Variants in CDH4 observed in about 807,000 individuals in gnomAD.
CDH4 encodes cadherin-4.
Under a neutral mutation model 86.0 loss-of-function variants are expected in CDH4, and 33 were observed. The observed-to-expected ratio is 0.38, with a 90% CI of 0.29 to 0.51. The LOEUF is 0.51. Ranked by LOEUF, CDH4 falls within the 20% of genes least tolerant of loss-of-function variation. The pLI, the probability that CDH4 is intolerant of heterozygous loss-of-function variation, is 0.86. For synonymous variants in CDH4, 555 were observed against 549.4 expected, an observed-to-expected ratio of 1.01 and a Z score of -0.14; for missense variants, 1,114 against 1,307.4, an observed-to-expected ratio of 0.85 and a Z score of 2.28.
chr20:61,334,393 G>A (rs2084605402), intron 2 of CDH4, among the ~76,000 whole-genome samples: 1 of 152,204 alleles, frequency 6.6e-6, no homozygotes, highest in African/African-American at 2.4e-5. Context: ...GCAGTGGGTG[G>A]TGCAGTGCGT....
At chr20:61,706,292 A>G (rs1321574854) in intron 2 of CDH4, among the ~76,000 whole-genome samples, 1 of 152,054 alleles carries the variant, frequency 6.6e-6, no homozygotes, top group African/African-American at 2.4e-5. Context: ...CTGTGTGTTT[A>G]CTAAAGGGGG....
chr20:61,489,914 C>G (rs1440267478), intron 2 of CDH4, among the ~76,000 whole-genome samples: 2 of 152,128 alleles, frequency 1.3e-5, no homozygotes, highest in South Asian at 4.1e-4. Flanking sequence ...GCTCCTGGGC[C>G]CCTCTAAGGG....
rs1335326516 is a variant in CDH4, at chr20:61,844,787, A to G, written c.696A>G (p.Thr232=). ...CCATGTCCGGCCGGATGTACGTCAC[A>G]AGGCCCATGGACCGGGAGGAGCACG... The part of the protein sequence containing the change: ...IDSMSGRMYV[T]RPMDREEHAS... The change falls in exon 5 of 16, where the codon ACA becomes ACG. Residue 232 remains threonine, a synonymous_variant. Transcript: ENST00000614565. 6.2e-7 allele frequency: 1 copy of G among 1,613,718 alleles called. No individual in the cohort carries two copies. Among genetic ancestry groups the G allele is most frequent in the Non-Finnish European group, 8.5e-7 (1 of 1,179,868 alleles).
At chr20:61,792,960 T>TTTG (rs879312118) in intron 4 of CDH4, among the ~76,000 whole-genome samples, 13 of 147,642 alleles carry the variant, frequency 8.8e-5, no homozygotes, top group Non-Finnish European at 1.6e-4. Flanking sequence ...ATGTGTTTTT[T>TTTG]TTGTTTTTGT....
At chr20:61,264,757 C>T (rs367873524) in intron 2 of CDH4, among the ~76,000 whole-genome samples, 19 of 128,158 alleles carry the variant, frequency 1.5e-4, no homozygotes, top group Middle Eastern at 6.4e-3. Context: ...TACACATACC[C>T]CAGTGGCTCC....
chr20:61,362,353 C>T (rs887792029), intron 2 of CDH4, among the ~76,000 whole-genome samples: 5 of 151,206 alleles, frequency 3.3e-5, no homozygotes, highest in Non-Finnish European at 5.9e-5. Context: ...AGAGCGGAGA[C>T]GTGGCCTAGG....
At chr20:61,481,147 G>T (rs2085565934) in intron 2 of CDH4, among the ~76,000 whole-genome samples, 1 of 152,156 alleles carries the variant, frequency 6.6e-6, no homozygotes, top group Non-Finnish European at 1.5e-5. Context: ...TACACATCTT[G>T]TTCTCAACTG....
chr20:61,640,298 G>A (rs1029238757), intron 2 of CDH4, among the ~76,000 whole-genome samples: 2 of 152,264 alleles, frequency 1.3e-5, no homozygotes, highest in Admixed American at 6.5e-5. Flanking sequence ...GTGCCTCGGC[G>A]GCCTGGCTCA....
intron 2 of CDH4, among the ~76,000 whole-genome samples, chr20:61,445,559 C>G (rs2085344930): frequency 6.6e-6 from 1 of 151,988 alleles, no homozygotes; most frequent in Non-Finnish European, 1.5e-5. Context: ...GGCCCCTCCT[C>G]CCCCTCTCCC....
chr20:61,619,981 G>A (rs1196909593), intron 2 of CDH4, among the ~76,000 whole-genome samples: 2 of 152,164 alleles, frequency 1.3e-5, no homozygotes, highest in Admixed American at 6.5e-5. Flanking sequence ...TTGGGACATC[G>A]GCAGAAGGGA....
At chr20:61,652,934 ATTTATTTT>A (rs1170029862) in intron 2 of CDH4, among the ~76,000 whole-genome samples, 5 of 103,026 alleles carry the variant, frequency 4.9e-5, no homozygotes, top group African/African-American at 1.6e-4. Flanking sequence ...TTATTTATTT[ATTTATTTT>A]TTTTTTTTTT....
chr20:61,382,588 T>C (rs6121418), intron 2 of CDH4, among the ~76,000 whole-genome samples: 37,461 of 152,134 alleles, frequency 0.25, 5,002 homozygotes, highest in African/African-American at 0.34. Flanking sequence ...GACTTATCTT[T>C]TCACAGTTCT....
At chr20:61,373,177 C>G (rs576159095) in intron 2 of CDH4, among the ~76,000 whole-genome samples, 2 of 152,174 alleles carry the variant, frequency 1.3e-5, no homozygotes, top group African/African-American at 4.8e-5. Flanking sequence ...CTCCCGCCCC[C>G]GTCTCAACAC....
At chr20:61,931,964 G>T (rs1568896880) in intron 13 of CDH4, among the ~76,000 whole-genome samples, 1 of 152,110 alleles carries the variant, frequency 6.6e-6, no homozygotes, top group African/African-American at 2.4e-5. Flanking sequence ...GGGTGGGGCT[G>T]CCCTTCTGTC....
chr20:61,706,774 G>A (rs1024360023), intron 2 of CDH4, among the ~76,000 whole-genome samples: 6 of 152,210 alleles, frequency 3.9e-5, no homozygotes, highest in African/African-American at 1.4e-4. Flanking sequence ...ACCGGAACTG[G>A]CTCGGGCAGG....
chr20:61,560,181 G>A (rs1223613666), intron 2 of CDH4, among the ~76,000 whole-genome samples: 1 of 152,032 alleles, frequency 6.6e-6, no homozygotes, highest in African/African-American at 2.4e-5. Flanking sequence ...CAGCATCCCA[G>A]ACAGTGAATC....
intron 4 of CDH4, among the ~76,000 whole-genome samples, chr20:61,784,818 A>C (rs1237475043): frequency 6.6e-6 from 1 of 151,598 alleles, no homozygotes; most frequent in Non-Finnish European, 1.5e-5. Context: ...CCGGGGCCTC[A>C]TCAGACATTA....
At chr20:61,842,019 A>G (rs575892351) in intron 4 of CDH4, among the ~76,000 whole-genome samples, 50 of 152,374 alleles carry the variant, frequency 3.3e-4, no homozygotes, top group Non-Finnish European at 2.2e-4. Context: ...GGCTTAAGAA[A>G]GATGTTCTCC....
intron 4 of CDH4, among the ~76,000 whole-genome samples, chr20:61,802,686 C>T (rs1979892982): frequency 6.6e-6 from 1 of 152,202 alleles, no homozygotes; most frequent in Non-Finnish European, 1.5e-5. Flanking sequence ...AAAGGCAGAG[C>T]GCAGCCCTGG....
Sources: allele counts gnomAD v4.1 joint callset (sites outside exome capture counted in the v4.1 genomes callset), GRCh38; gene constraint gnomAD v4.1.1; transcripts MANE v1.5; gene names NCBI Gene and HGNC (gene_info 2026-07-23, HGNC 2026-07-21).